The following NCKAP5 variants were observed in gnomAD, a reference collection of about 807,000 sequenced individuals.
The protein encoded by NCKAP5 is nck-associated protein 5.
In NCKAP5, 92 loss-of-function variants were observed where a neutral mutation model predicts 167.0. That is an observed-to-expected ratio of 0.55 (90% CI 0.47 to 0.66). NCKAP5 has a LOEUF of 0.66. NCKAP5 is among the 30% of genes least tolerant of loss of function. The probability of loss-of-function intolerance (pLI) is 0.00; values close to 1 mark genes in which losing one functional copy is unlikely to be tolerated. For missense variants in NCKAP5, 2,378 were observed against 2,315.0 expected (o/e 1.03, Z -0.56); for synonymous variants, 891 against 877.4 (o/e 1.02, Z -0.27).
intron 6 of NCKAP5, among the ~76,000 whole-genome samples, chr2:133,022,034 C>G (rs934359151): frequency 1.1e-4 from 17 of 152,176 alleles, no homozygotes; most frequent in African/African-American, 3.6e-4. Flanking sequence ...AGAGGCCGGA[C>G]CTAGCATCTG....
At chr2:133,112,839 G>A (rs949132503) in intron 6 of NCKAP5, among the ~76,000 whole-genome samples, 3 of 152,228 alleles carry the variant, frequency 2.0e-5, no homozygotes, top group Non-Finnish European at 2.9e-5. Context: ...CAAGGTCACC[G>A]TGGTGGAGCA....
At chr2:132,755,610 C>A (rs971351932) in intron 16 of NCKAP5, among the ~76,000 whole-genome samples, 33 of 152,016 alleles carry the variant, frequency 2.2e-4, no homozygotes, top group Admixed American at 1.3e-4. Flanking sequence ...GCGGGCAGAT[C>A]ATGAGGTCAA....
chr2:133,153,125 G>T (rs552118835), intron 5 of NCKAP5, among the ~76,000 whole-genome samples: 1 of 152,318 alleles, frequency 6.6e-6, no homozygotes, highest in African/African-American at 2.4e-5. Context: ...ATGGTTCAGA[G>T]CTAGGGGTCA....
At chr2:133,384,895 T>C (rs1433376042) in intron 3 of NCKAP5, among the ~76,000 whole-genome samples, 10 of 152,212 alleles carry the variant, frequency 6.6e-5, no homozygotes, top group Non-Finnish European at 2.9e-5. Context: ...TACATTGATT[T>C]TGTATGCTGA....
intron 5 of NCKAP5, among the ~76,000 whole-genome samples, chr2:133,162,793 G>A (rs563840769): frequency 1.0e-3 from 153 of 152,132 alleles, no homozygotes; most frequent in Non-Finnish European, 1.8e-3. Context: ...AAAGCCACTT[G>A]TGGCTACTCT....
chr2:132,803,381 G>T (rs1225754924), intron 11 of NCKAP5, among the ~76,000 whole-genome samples: 1 of 152,158 alleles, frequency 6.6e-6, no homozygotes, highest in East Asian at 1.9e-4. Context: ...TGCTCTGGAT[G>T]GTGCCTTGGC....
At chr2:133,546,418 A>G (rs1686681001) in intron 2 of NCKAP5, among the ~76,000 whole-genome samples, 1 of 152,214 alleles carries the variant, frequency 6.6e-6, no homozygotes, top group African/African-American at 2.4e-5. Context: ...TCCCTGGAGC[A>G]TTCTTCAGCT....
intron 3 of NCKAP5, among the ~76,000 whole-genome samples, chr2:133,370,910 A>C (rs1304522073): frequency 3.3e-5 from 5 of 152,164 alleles, no homozygotes; most frequent in Admixed American, 6.5e-5. Context: ...CTTCAAATGT[A>C]TAAAATGCTT....
intron 3 of NCKAP5, among the ~76,000 whole-genome samples, chr2:133,331,729 A>G (rs1029539057): frequency 6.6e-6 from 1 of 152,194 alleles, no homozygotes; most frequent in African/African-American, 2.4e-5. Flanking sequence ...GGTGCCCATT[A>G]AAGGTGTGGA....
chr2:133,552,537 T>C (rs1479073888), intron 2 of NCKAP5, among the ~76,000 whole-genome samples: 4 of 138,374 alleles, frequency 2.9e-5, no homozygotes, highest in African/African-American at 2.7e-5. Flanking sequence ...TAGGTGGGAA[T>C]TGAACAATGA....
chr2:133,509,429 A>C (rs544105567), intron 3 of NCKAP5, among the ~76,000 whole-genome samples: 3 of 152,210 alleles, frequency 2.0e-5, no homozygotes, highest in African/African-American at 7.2e-5. Context: ...TCCTCTCTCC[A>C]ACCTTCCCAA....
intron 3 of NCKAP5, among the ~76,000 whole-genome samples, chr2:133,428,084 T>C (rs7584023): frequency 0.3 from 44,939 of 151,850 alleles, 7,894 homozygotes; most frequent in African/African-American, 0.48. Context: ...GGATTATTTT[T>C]GAAAGAACGG....
At chr2:132,815,046 C>T in intron 11 of NCKAP5, among the ~76,000 whole-genome samples, 1 of 152,114 alleles carries the variant, frequency 6.6e-6, no homozygotes, top group East Asian at 1.9e-4. Flanking sequence ...ATATAAATAC[C>T]ATAATCTCTC....
intron 6 of NCKAP5, among the ~76,000 whole-genome samples, chr2:133,095,131 A>C (rs1177931585): frequency 1.3e-5 from 2 of 152,204 alleles, no homozygotes; most frequent in Non-Finnish European, 2.9e-5. Context: ...GTGAGATCAT[A>C]AACAGGTATT....
At chr2:133,326,416 T>C (rs1369898793) in intron 3 of NCKAP5, among the ~76,000 whole-genome samples, 2 of 130,452 alleles carry the variant, frequency 1.5e-5, no homozygotes, top group Admixed American at 9.4e-5. Flanking sequence ...TTCACACCAC[T>C]ACTGCACTCC....
intron 6 of NCKAP5, among the ~76,000 whole-genome samples, chr2:133,049,315 G>A (rs1437327940): frequency 6.6e-6 from 1 of 152,132 alleles, no homozygotes; most frequent in African/African-American, 2.4e-5. Context: ...GGAAGCCTAG[G>A]CGGGTGGATC....
At chr2:133,643,516 C>A in the NCKAP5 span, among the ~76,000 whole-genome samples, 2 of 152,114 alleles carry the variant, frequency 1.3e-5, no homozygotes, top group African/African-American at 2.4e-5. Context: ...GACATCCAGG[C>A]TATATCTTCT....
intron 4 of NCKAP5, among the ~76,000 whole-genome samples, chr2:133,299,513 A>C (rs571195624): frequency 8.5e-4 from 130 of 152,222 alleles, no homozygotes; most frequent in African/African-American, 3.0e-3. Context: ...TTGGGAGTCC[A>C]AGGCGGGTGG....
At chr2:133,390,167 C>T (rs1687294731) in intron 3 of NCKAP5, among the ~76,000 whole-genome samples, 1 of 152,250 alleles carries the variant, frequency 6.6e-6, no homozygotes, top group African/African-American at 2.4e-5. Context: ...TGACCCCAAC[C>T]CTCCAGGCCC....
Sources: gnomAD v4.1 joint callset for allele counts (sites outside exome capture counted in the v4.1 genomes callset) on GRCh38, gnomAD v4.1.1 for gene constraint, MANE v1.5 for transcripts, NCBI Gene and HGNC (gene_info 2026-07-23, HGNC 2026-07-21) for gene names.